Variants in SMCHD1 observed in about 807,000 individuals in gnomAD.
The protein encoded by SMCHD1 is structural maintenance of chromosomes flexible hinge domain-containing protein 1.
SMCHD1 carries 78 observed loss-of-function variants against 254.7 expected under a neutral mutation model. The observed-to-expected ratio is 0.31, with a 90% CI of 0.26 to 0.37. The LOEUF (loss-of-function observed/expected upper bound fraction) is 0.37. Ranked by LOEUF, SMCHD1 falls within the 10% of genes least tolerant of loss-of-function variation. SMCHD1 has a pLI of 1.00. For missense variants in SMCHD1, 1,840 were observed against 2,408.1 expected (o/e 0.76, Z 4.94); for synonymous variants, 766 against 794.9 (o/e 0.96, Z 0.61).
intron 24 of SMCHD1, among the ~76,000 whole-genome samples, chr18:2,730,571 C>CT (rs1350255307): frequency 6.6e-6 from 1 of 152,006 alleles, no homozygotes; most frequent in African/African-American, 2.4e-5. Flanking sequence ...TGTAAACAAT[C>CT]TAAGGTTGTG....
At chr18:2,763,108 C>G (rs1226392854) in intron 36 of SMCHD1, among the ~76,000 whole-genome samples, 2 of 152,154 alleles carry the variant, frequency 1.3e-5, no homozygotes, top group East Asian at 3.8e-4. Context: ...AGTTTATTTT[C>G]CTGTTTTAGA....
At chr18:2,694,112 C>T (rs2074239199) in intron 7 of SMCHD1, among the ~76,000 whole-genome samples, 2 of 152,144 alleles carry the variant, frequency 1.3e-5, no homozygotes, top group African/African-American at 4.8e-5. Flanking sequence ...CCAGCCTGCC[C>T]TGTAGTTTTC....
chr18:2,745,085 T>C (rs1302862425), intron 29 of SMCHD1, among the ~76,000 whole-genome samples: 9 of 152,222 alleles, frequency 5.9e-5, no homozygotes, highest in Non-Finnish European at 1.3e-4. Flanking sequence ...TCAGGCGATA[T>C]GTCCGCCTTG....
At chr18:2,695,308 A>G (rs2143126994) in intron 8 of SMCHD1, among the ~76,000 whole-genome samples, 1 of 149,314 alleles carries the variant, frequency 6.7e-6, no homozygotes, top group African/African-American at 2.6e-5. Context: ...TCTAAAAAAA[A>G]ATTTTTTTTT....
At chr18:2,744,721 T>G (rs1156250011) in intron 29 of SMCHD1, among the ~76,000 whole-genome samples, 2 of 152,258 alleles carry the variant, frequency 1.3e-5, no homozygotes, top group Non-Finnish European at 2.9e-5. Flanking sequence ...CTTTTGAACT[T>G]AATACTCCTA....
At chr18:2,711,589 TCTC>T in intron 17 of SMCHD1, among the ~76,000 whole-genome samples, 1 of 148,292 alleles carries the variant, frequency 6.7e-6, no homozygotes, top group Non-Finnish European at 1.5e-5. Context: ...TTCACGCCAT[TCTC>T]CTGCCTCAGC....
Position 2,752,526 on chromosome 18 carries a change from CAAA to C in SMCHD1, c.4321_4323del (p.Lys1441del), listed in dbSNP as rs755456298. 6.3e-7 allele frequency: 1 copy of C among 1,593,882 alleles called. No individual in the cohort carries two copies. The highest frequency in any genetic ancestry group is 8.6e-7 in the Non-Finnish European group (1 of 1,162,314). On this transcript the variant is annotated inframe_deletion, in exon 34 of 48. Transcript: ENST00000320876. The stretch of plus-strand genomic sequence containing the variant: ...GTTGTAATAAAATAAAAGATAATGA[CAAA>C]GAAGATGGCTGCTTCTATTTCAGGT...
At chr18:2,701,982 C>T (rs990128074) in intron 12 of SMCHD1, among the ~76,000 whole-genome samples, 7 of 151,182 alleles carry the variant, frequency 4.6e-5, no homozygotes, top group African/African-American at 9.7e-5. Flanking sequence ...AATTATACAC[C>T]GAGAAAGACC....
intron 7 of SMCHD1, among the ~76,000 whole-genome samples, chr18:2,693,624 TTG>T (rs2074227348): frequency 7.1e-6 from 1 of 140,284 alleles, no homozygotes; most frequent in African/African-American, 2.8e-5. Context: ...ACCATGTTTT[TTG>T]TTTGTTTGTT....
intron 1 of SMCHD1, among the ~76,000 whole-genome samples, chr18:2,660,355 A>G (rs2143762315): frequency 6.6e-6 from 1 of 152,210 alleles, no homozygotes; most frequent in East Asian, 1.9e-4. Context: ...ATAAAATAAA[A>G]TACTTAGAAA....
chr18:2,755,553 T>TTTTC (rs543589679), intron 34 of SMCHD1, among the ~76,000 whole-genome samples: 39 of 138,102 alleles, frequency 2.8e-4, no homozygotes, highest in African/African-American at 7.9e-4. Context: ...TGTATTTTCT[T>TTTTC]TTTCTTTCTT....
At chr18:2,729,117 T>C (rs1448379833) in intron 23 of SMCHD1, among the ~76,000 whole-genome samples, 158 bp from the exon 24 acceptor site, 1 of 152,224 alleles carries the variant, frequency 6.6e-6, no homozygotes. Context: ...ATTACTGTTT[T>C]TGTTCAGTAT....
At chr18:2,766,174 T>A (rs907940223) in intron 37 of SMCHD1, among the ~76,000 whole-genome samples, 12 of 152,164 alleles carry the variant, frequency 7.9e-5, no homozygotes, top group African/African-American at 2.9e-4. Context: ...TTTGTATTTT[T>A]AGTAGCGACG....
chr18:2,710,207 T>C (rs1172882131), intron 17 of SMCHD1, among the ~76,000 whole-genome samples: 1 of 152,210 alleles, frequency 6.6e-6, no homozygotes, highest in Non-Finnish European at 1.5e-5. Context: ...GTTGACCACA[T>C]ATGTGAGAAT....
intron 33 of SMCHD1, among the ~76,000 whole-genome samples, chr18:2,752,075 A>G (rs2075584659): frequency 1.3e-5 from 2 of 152,156 alleles, no homozygotes; most frequent in Admixed American, 1.3e-4. Flanking sequence ...TCTGAAATAA[A>G]TCTAAAATTG....
chr18:2,754,498 A>C (rs559304722), intron 34 of SMCHD1, among the ~76,000 whole-genome samples: 1 of 152,298 alleles, frequency 6.6e-6, no homozygotes, highest in South Asian at 2.1e-4. Context: ...CCCAACAATA[A>C]ATTGTGACAA....
intron 22 of SMCHD1, among the ~76,000 whole-genome samples, chr18:2,727,850 C>T (rs1283804212): frequency 6.6e-6 from 1 of 151,980 alleles, no homozygotes; most frequent in Admixed American, 6.6e-5. Context: ...TAATTCTCTC[C>T]ATATACTTGT....
chr18:2,723,846 C>T (rs1008964397), intron 20 of SMCHD1, among the ~76,000 whole-genome samples: 1 of 151,986 alleles, frequency 6.6e-6, no homozygotes, highest in Non-Finnish European at 1.5e-5. Flanking sequence ...TTCCTTTTGC[C>T]AATTCTGAAC....
rs1307216066 is a variant in SMCHD1 at position 2,694,551 on chromosome 18, AATG to A, written c.906_908del (p.Asp302del). The A allele has an allele frequency of 6.3e-7, 1 of 1,596,772 alleles. No homozygotes were observed. The highest frequency in any genetic ancestry group is 1.7e-5 in the Admixed American group (1 of 57,152). ...GCCCTCTGATTCTGTTCACATTACA[AATG>A]ATGATGAAAGATTTCTACATCATCT... On this transcript the variant is annotated inframe_deletion, in exon 8 of 48. Coordinates refer to ENST00000320876, the MANE Select transcript of SMCHD1 (RefSeq NM_015295.3).
Sources: allele counts gnomAD v4.1 joint callset (sites outside exome capture counted in the v4.1 genomes callset), GRCh38; gene constraint gnomAD v4.1.1; transcripts MANE v1.5; gene names NCBI Gene and HGNC (gene_info 2026-07-23, HGNC 2026-07-21).